The following NRG2 variants were observed in gnomAD, a reference collection of about 807,000 sequenced individuals.
NRG2 encodes the protein pro-neuregulin-2, membrane-bound isoform.
NRG2 carries 27 observed loss-of-function variants against 73.9 expected under a neutral mutation model. The ratio of observed to expected loss-of-function variants is 0.37; its 90% CI spans 0.27 to 0.50. The LOEUF (loss-of-function observed/expected upper bound fraction) is 0.50. Among genes scored for constraint, NRG2 ranks in the 20% least tolerant of loss-of-function variants. The probability of loss-of-function intolerance (pLI) is 0.96; values close to 1 mark genes in which losing one functional copy is unlikely to be tolerated. For synonymous variants in NRG2, 532 were observed against 541.0 expected (o/e 0.98, Z 0.23); for missense variants, 1,126 against 1,210.1 (o/e 0.93, Z 1.03).
intron 1 of NRG2, among the ~76,000 whole-genome samples, chr5:139,951,537 C>A (rs1754200794): frequency 1.3e-5 from 2 of 152,128 alleles, no homozygotes; most frequent in African/African-American, 4.8e-5. Flanking sequence ...CTTTGGAAGT[C>A]TGATGGAACG....
chr5:139,978,518 A>G (rs1327538264), intron 1 of NRG2, among the ~76,000 whole-genome samples: 1 of 152,246 alleles, frequency 6.6e-6, no homozygotes, highest in African/African-American at 2.4e-5. Flanking sequence ...TAGTTCAACC[A>G]TTGTGGAAGT....
intron 1 of NRG2, among the ~76,000 whole-genome samples, chr5:139,895,168 G>A (rs1764469349): frequency 6.6e-6 from 1 of 152,224 alleles, no homozygotes; most frequent in South Asian, 2.1e-4. Context: ...CTGACCACCA[G>A]GGACAACACT....
At chr5:139,927,764 CAAAAAAAAAAA>C (rs67854211) in intron 1 of NRG2, among the ~76,000 whole-genome samples, 2,788 of 82,584 alleles carry the variant, frequency 0.034, 49 homozygotes, top group Non-Finnish European at 0.053. Flanking sequence ...AACCTTGTCT[CAAAAAAAAAAA>C]AAAAAAAAAA....
At chr5:139,893,435 C>T (rs75418591) in intron 1 of NRG2, among the ~76,000 whole-genome samples, 2,093 of 152,258 alleles carry the variant, frequency 0.014, 18 homozygotes, top group Middle Eastern at 0.02. Context: ...AGATGAGAGG[C>T]ATCTAGCAAA....
At chr5:139,960,121 G>A (rs1443002422) in intron 1 of NRG2, among the ~76,000 whole-genome samples, 4 of 152,212 alleles carry the variant, frequency 2.6e-5, no homozygotes, top group Admixed American at 2.0e-4. Flanking sequence ...AGGGAAGACT[G>A]GAGCCTTCCT....
Position 140,043,152 on chromosome 5 carries a change from C to T in NRG2, c.-83G>A, listed in dbSNP as rs1315711548. 2 of 1,490,854 alleles carry T rather than the reference C, an allele frequency of 1.3e-6. No individual in the cohort carries two copies. The highest frequency in any genetic ancestry group is 2.4e-4 in the Middle Eastern group (1 of 4,140). The allele number at this position is 1,490,854 out of a possible 1,614,324, so 92.4% of individuals were successfully genotyped here. ...ACAGAGCCCGCTGGAAAACCGGAAA[C>T]AGCGTAACGTTAGCGCCTCTTAGCC... On this transcript the variant is annotated 5_prime_UTR_variant, in exon 1 of 10. Transcript: ENST00000361474. This position sits in a 1 kb window ranked among gnomAD's most constrained non-coding sequence, Gnocchi z 6.7.
At position 140,042,821 on chromosome 5, in the gene NRG2, G is replaced by A; in HGVS notation, c.249C>T (p.Ala83=). The stretch of plus-strand genomic sequence containing the variant: ...CGCCGGCGGCTGCGGCTCGCGAACG[G>A]GCGGCGGCTCTCCGGGCTGCGGGGC... ...PRSPAARRAA[A]RSRAAAAGGM... is the part of the protein sequence containing the mutation. The change falls in exon 1 of 10, where the codon GCC becomes GCT. Residue 83 remains alanine, a synonymous_variant. Transcript: ENST00000361474. The A allele has an allele frequency of 2.0e-6, 3 of 1,497,086 alleles. No homozygotes were observed. In the South Asian group the frequency reaches 3.8e-5, roughly 19 times the overall value. 92.7% of individuals were successfully genotyped at this position (1,497,086 alleles called of 1,614,324 possible).
chr5:139,990,034 C>T lies in NRG2; in HGVS notation c.700+52336G>A, dbSNP rs532189180. On this transcript the variant is annotated intron_variant, in intron 1 of 9. Transcript: ENST00000361474. ...TGATCTCCTGACCTTGTGATCCGCC[C>T]ACCTCGGCCTCCCAAAGTGCTGGGA... Among the ~76,000 whole-genome samples, 1,254 of 150,530 alleles carry T rather than the reference C, an allele frequency of 8.3e-3. 10 individuals carry two copies. The highest frequency in any genetic ancestry group is 0.028 in the Middle Eastern group (8 of 290).
chr5:140,025,049 T>A (rs1760574387), intron 1 of NRG2, among the ~76,000 whole-genome samples: 1 of 152,208 alleles, frequency 6.6e-6, no homozygotes, highest in African/African-American at 2.4e-5. Context: ...AGCAGTGGAC[T>A]GAGGCTGAAC....
chr5:139,996,901 A>G (rs777177669), intron 1 of NRG2, among the ~76,000 whole-genome samples: 63 of 143,676 alleles, frequency 4.4e-4, no homozygotes, highest in Non-Finnish European at 8.6e-4. Flanking sequence ...TGGGAAGCCG[A>G]TGGGGGTGGG....
intron 1 of NRG2, among the ~76,000 whole-genome samples, chr5:140,029,173 A>AT (rs1324806713): frequency 2.0e-5 from 3 of 152,306 alleles, no homozygotes; most frequent in Non-Finnish European, 4.4e-5. Flanking sequence ...AAGCTATTCC[A>AT]TTTTGGGGTG....
At chr5:139,946,746 A>G (rs1753823874) in intron 1 of NRG2, among the ~76,000 whole-genome samples, 1 of 152,154 alleles carries the variant, frequency 6.6e-6, no homozygotes, top group African/African-American at 2.4e-5. Flanking sequence ...TATCTATAAT[A>G]TATACAGAAT....
At chr5:139,943,975 T>C (rs1753601886) in intron 1 of NRG2, among the ~76,000 whole-genome samples, 2 of 152,208 alleles carry the variant, frequency 1.3e-5, no homozygotes, top group African/African-American at 4.8e-5. Flanking sequence ...TTGAATTTCA[T>C]ACAATTTTCA....
chr5:139,953,663 TCTCAA>T (rs1357117535), intron 1 of NRG2, among the ~76,000 whole-genome samples: 1 of 151,806 alleles, frequency 6.6e-6, no homozygotes, highest in East Asian at 1.9e-4. Context: ...GGCTATGGGG[TCTCAA>T]AAGATAAGAA....
intron 1 of NRG2, among the ~76,000 whole-genome samples, chr5:139,983,978 C>A (rs547844620): frequency 8.7e-4 from 132 of 152,324 alleles, no homozygotes; most frequent in African/African-American, 3.1e-3. Flanking sequence ...TAGAAACATT[C>A]ACCTCCCATT....
chr5:140,018,404 C>T (rs1217412650), intron 1 of NRG2, among the ~76,000 whole-genome samples: 1 of 152,210 alleles, frequency 6.6e-6, no homozygotes, highest in African/African-American at 2.4e-5. Context: ...CTCACCACTC[C>T]TTCGTATGGT....
chr5:139,938,881 A>AGAGAG (rs5871715), intron 1 of NRG2, among the ~76,000 whole-genome samples: 1 of 87,010 alleles, frequency 1.1e-5, no homozygotes, highest in Non-Finnish European at 2.1e-5. Flanking sequence ...AGAGAGAGAG[A>AGAGAG]AGGAAAGAAA....
chr5:139,898,064 C>T (rs563963120), intron 1 of NRG2, among the ~76,000 whole-genome samples: 85 of 152,350 alleles, frequency 5.6e-4, no homozygotes, highest in African/African-American at 1.9e-3. Flanking sequence ...GAGCACATTT[C>T]GAGTGCTGAG....
At chr5:139,987,084 A>G (rs1757219554) in intron 1 of NRG2, among the ~76,000 whole-genome samples, 1 of 151,930 alleles carries the variant, frequency 6.6e-6, no homozygotes, top group Non-Finnish European at 1.5e-5. Flanking sequence ...GAAAAAGAAT[A>G]TTATGGGCTA....
Sources: gnomAD v4.1 joint callset for allele counts (sites outside exome capture counted in the v4.1 genomes callset) on GRCh38, gnomAD v4.1.1 for gene constraint, Gnocchi (gnomAD v3.1) non-coding constraint, MANE v1.5 for transcripts, NCBI Gene and HGNC (gene_info 2026-07-23, HGNC 2026-07-21) for gene names.